Variants in C11orf65 observed in about 807,000 individuals in gnomAD.
The protein encoded by C11orf65 is chromosome 11 open reading frame 65, also known as protein MFI.
C11orf65 carries 38 observed loss-of-function variants against 35.3 expected under a neutral mutation model. The observed-to-expected ratio is 1.08, with a 90% CI of 0.83 to 1.41. The LOEUF (loss-of-function observed/expected upper bound fraction) is 1.41, where lower values mean the gene tolerates loss of function less well. Ranked by LOEUF, C11orf65 falls within the 40% of genes most tolerant of loss-of-function variation. The probability of loss-of-function intolerance (pLI) is 0.00; values close to 1 mark genes in which losing one functional copy is unlikely to be tolerated. For synonymous variants in C11orf65, 105 were observed against 114.4 expected, an observed-to-expected ratio of 0.92 and a Z score of 0.53; for missense variants, 370 against 367.1, an observed-to-expected ratio of 1.01 and a Z score of -0.06.
chr11:108,338,278 A>G (rs1297651199), intron 2 of C11orf65, among the ~76,000 whole-genome samples: 1 of 150,666 alleles, frequency 6.6e-6, no homozygotes, highest in African/African-American at 2.4e-5. Flanking sequence ...TTAAACCCGG[A>G]TGGCAGAGGT....
chr11:108,358,650 TAAAG>T (rs970001627), intron 2 of C11orf65, among the ~76,000 whole-genome samples: 1 of 144,638 alleles, frequency 6.9e-6, no homozygotes, highest in Non-Finnish European at 1.5e-5. Context: ...TCAACATTCT[TAAAG>T]AAAAGAATTT....
At chr11:108,447,165 C>T (rs531784307) in intron 2 of C11orf65, among the ~76,000 whole-genome samples, 1 of 152,122 alleles carries the variant, frequency 6.6e-6, no homozygotes, top group Non-Finnish European at 1.5e-5. Context: ...GGGACTTAGA[C>T]TCCCACACAA....
downstream of C11orf65, among the ~76,000 whole-genome samples, chr11:108,382,351 T>C (rs1826637603): frequency 6.6e-6 from 1 of 151,672 alleles, no homozygotes; most frequent in South Asian, 2.1e-4. Flanking sequence ...AGGCAAATCG[T>C]AGGCCCCAAA....
At chr11:108,422,227 C>T (rs1046955765) in intron 3 of C11orf65, among the ~76,000 whole-genome samples, 8 of 152,170 alleles carry the variant, frequency 5.3e-5, no homozygotes, top group African/African-American at 7.2e-5. Context: ...CGCGCCTGGC[C>T]GACACTTATT....
chr11:108,405,162 A>T (rs1174731353), intron 6 of C11orf65, among the ~76,000 whole-genome samples: 1 of 152,186 alleles, frequency 6.6e-6, no homozygotes, highest in East Asian at 1.9e-4. Context: ...ACTAATCTTA[A>T]TGAATAAATA....
chr11:108,409,601 T>C (rs1406312899), intron 3 of C11orf65, among the ~76,000 whole-genome samples: 1 of 152,126 alleles, frequency 6.6e-6, no homozygotes, highest in Non-Finnish European at 1.5e-5. Flanking sequence ...GTCAGCCACA[T>C]GATCATGAGG....
chr11:108,396,671 A>G (rs1255286372), intron 6 of C11orf65, among the ~76,000 whole-genome samples: 1 of 125,050 alleles, frequency 8.0e-6, no homozygotes, highest in African/African-American at 2.6e-5. Flanking sequence ...CTCTACTAAA[A>G]ATACAAAAAA....
chr11:108,325,227 C>T (rs1449154961), intron 6 of C11orf65: 1 of 914,744 alleles, frequency 1.1e-6, no homozygotes, highest in South Asian at 1.5e-5. Context: ...AATATTATAT[C>T]GTAAGTTCCA....
chr11:108,310,577 TTTCTGTATATTCCCCATAATAGC>T (rs1158277105), intron 6 of C11orf65, among the ~76,000 whole-genome samples: 3 of 152,256 alleles, frequency 2.0e-5, no homozygotes, highest in Admixed American at 2.0e-4. Flanking sequence ...CATACTTAAT[TTTCTGTATATTCCCCATAATAGC>T]CCTAGCATTG....
chr11:108,448,936 T>C (rs755343261), intron 2 of C11orf65, among the ~76,000 whole-genome samples: 205 of 152,142 alleles, frequency 1.3e-3, no homozygotes, highest in Non-Finnish European at 2.3e-3. Flanking sequence ...TTCAGTAAAG[T>C]CTCAGGATAC....
intron 2 of C11orf65, among the ~76,000 whole-genome samples, chr11:108,358,140 T>C (rs1320906892): frequency 2.6e-5 from 4 of 151,130 alleles, no homozygotes; most frequent in African/African-American, 7.3e-5. Context: ...GAGAACTATG[T>C]GAAGAATGCA....
intron 3 of C11orf65, among the ~76,000 whole-genome samples, chr11:108,416,952 TG>T (rs2092742311): frequency 6.6e-6 from 1 of 152,186 alleles, no homozygotes; most frequent in South Asian, 2.1e-4. Context: ...GTGCATTGTC[TG>T]GGAGAAGATA....
chr11:108,451,691 T>C (rs542356602), intron 2 of C11orf65, among the ~76,000 whole-genome samples: 6 of 152,328 alleles, frequency 3.9e-5, no homozygotes, highest in South Asian at 4.1e-4. Context: ...AGAGCCTGCA[T>C]TGCCAAGACA....
intron 3 of C11orf65, among the ~76,000 whole-genome samples, chr11:108,427,004 A>AC (rs1194070291): frequency 1.3e-5 from 2 of 151,970 alleles, no homozygotes; most frequent in African/African-American, 2.4e-5. Flanking sequence ...CTAAAACTGG[A>AC]CCCCCCTTCC....
At position 108,315,872 on chromosome 11, in the gene C11orf65, A is replaced by G. The variant is rs876658415; in HGVS notation, c.641-6801T>C. On this transcript the variant is annotated intron_variant, in intron 6 of 6. Coordinates refer to the C11orf65 transcript ENST00000525729. Reference sequence around the variant, plus strand: ...AGTATAGGGGAGCCAGATAGTTTGTATGGCTGTGGTGGAGGGAAGATGTTA... The same window carrying G: ...AGTATAGGGGAGCCAGATAGTTTGTGTGGCTGTGGTGGAGGGAAGATGTTA... 2.5e-6 allele frequency: 4 copies of G among 1,613,244 alleles called. No homozygotes were observed. The highest frequency in any genetic ancestry group is 2.2e-5 in the East Asian group (1 of 44,884).
intron 3 of C11orf65, among the ~76,000 whole-genome samples, chr11:108,430,113 TACTGA>T (rs1385868551): frequency 6.7e-6 from 1 of 149,904 alleles, no homozygotes; most frequent in Non-Finnish European, 1.5e-5. Flanking sequence ...TGTTTAGTAC[TACTGA>T]ACTGTATTCT....
chr11:108,397,620 A>C (rs954229455), intron 6 of C11orf65, among the ~76,000 whole-genome samples: 3 of 152,188 alleles, frequency 2.0e-5, no homozygotes, highest in Non-Finnish European at 4.4e-5. Flanking sequence ...GGTAAAAAAT[A>C]AAAATTTTGT....
At chr11:108,318,383 A>T (rs1022027664) in intron 6 of C11orf65, among the ~76,000 whole-genome samples, 12 of 151,810 alleles carry the variant, frequency 7.9e-5, no homozygotes, top group Non-Finnish European at 1.0e-4. Context: ...ATAAAATAAA[A>T]AAAATAATAT....
rs2136583069 is a variant in C11orf65 at position 108,332,998 on chromosome 11, T to A, written c.300-1431A>T. ...GCCTAATAAGTAAATCTGCTTAAAA[T>A]CACAAACGTAATCCAAAAGCTTAAT... On this transcript the variant is annotated intron_variant, in intron 3 of 3. Coordinates refer to the C11orf65 transcript ENST00000524755. 4 of 1,437,844 alleles carry A rather than the reference T, an allele frequency of 2.8e-6. No individual in the cohort carries two copies. The South Asian group carries it at 3.6e-5, about 13-fold the overall frequency. 89.1% of individuals were successfully genotyped at this position (1,437,844 alleles called of 1,614,324 possible).
Sources: allele counts gnomAD v4.1 joint callset (sites outside exome capture counted in the v4.1 genomes callset), GRCh38; gene constraint gnomAD v4.1.1; transcripts MANE v1.5; gene names NCBI Gene and HGNC (gene_info 2026-07-23, HGNC 2026-07-21).